The following ASPH variants were observed in gnomAD, a reference collection of about 807,000 sequenced individuals.
ASPH encodes the protein aspartyl/asparaginyl beta-hydroxylase.
Under a neutral mutation model 118.4 loss-of-function variants are expected in ASPH, and 100 were observed. That is an observed-to-expected ratio of 0.84 (90% CI 0.72 to 1.00). ASPH has a LOEUF of 1.00. ASPH is among the 50% of genes least tolerant of loss of function. ASPH has a pLI of 0.00. For missense variants in ASPH, 920 were observed against 919.5 expected, an observed-to-expected ratio of 1.00 and a Z score of -0.01; for synonymous variants, 315 against 325.6, an observed-to-expected ratio of 0.97 and a Z score of 0.35.
At chr8:61,597,194 AG>A (rs1215785536) in intron 14 of ASPH, among the ~76,000 whole-genome samples, 10 of 99,014 alleles carry the variant, frequency 1.0e-4, no homozygotes, top group Non-Finnish European at 2.2e-4. Flanking sequence ...TAATCCAGTC[AG>A]GAAAAAAAAA....
chr8:61,549,596 A>G (rs1487430671), intron 20 of ASPH, among the ~76,000 whole-genome samples: 2 of 152,230 alleles, frequency 1.3e-5, no homozygotes, highest in Non-Finnish European at 2.9e-5. Flanking sequence ...AAAACTAGAA[A>G]GTTAAAATGG....
At position 61,714,478 on chromosome 8, in the gene ASPH, C is replaced by G; in HGVS notation, c.-107G>C. 4 of 1,344,424 alleles carry G rather than the reference C, an allele frequency of 3.0e-6. No individual in the cohort carries two copies. The highest frequency in any genetic ancestry group is 3.8e-6 in the Non-Finnish European group (4 of 1,045,424). 83.3% of individuals were successfully genotyped at this position (1,344,424 alleles called of 1,614,324 possible). On this transcript the variant is annotated 5_prime_UTR_variant, in exon 1 of 25. Coordinates refer to ENST00000379454, the MANE Select transcript of ASPH (RefSeq NM_004318.4). ...CGGCGGCGGGCCGCTGGAGCGGGTT[C>G]GGGCCGCTGCTCCTGCAGCAGACCC...
intron 22 of ASPH, among the ~76,000 whole-genome samples, chr8:61,519,808 G>C (rs904722304): frequency 2.6e-5 from 4 of 152,212 alleles, no homozygotes; most frequent in Admixed American, 2.6e-4. Context: ...GGAGACTCCA[G>C]AGGGAATACA....
At chr8:61,550,442 T>TACACACACACACACACACACACACAC (rs34577657) in intron 20 of ASPH, among the ~76,000 whole-genome samples, 361 of 147,656 alleles carry the variant, frequency 2.4e-3, no homozygotes, top group Non-Finnish European at 3.7e-3. Flanking sequence ...CACATGTACA[T>TACACACACACACACACACACACACAC]ACACACACAC....
At chr8:61,632,043 A>C (rs1855851301) in intron 13 of ASPH, 1 of 152,246 alleles carries the variant, frequency 6.6e-6, no homozygotes, top group Non-Finnish European at 1.5e-5. Context: ...TCTACCTCTA[A>C]GATCAGGCTA....
At chr8:61,604,562 A>C (rs1845028446) in intron 14 of ASPH, among the ~76,000 whole-genome samples, 1 of 152,220 alleles carries the variant, frequency 6.6e-6, no homozygotes, top group Admixed American at 6.5e-5. Context: ...GCATACTGTC[A>C]CTTAGAAGGA....
intron 21 of ASPH, among the ~76,000 whole-genome samples, chr8:61,541,622 C>T (rs1822009367): frequency 6.6e-6 from 1 of 152,192 alleles, no homozygotes; most frequent in Non-Finnish European, 1.5e-5. Context: ...TTTCTGCACA[C>T]AGCAGCTCTC....
chr8:61,698,961 G>T (rs888358736), intron 1 of ASPH, among the ~76,000 whole-genome samples: 1 of 152,202 alleles, frequency 6.6e-6, no homozygotes, highest in Non-Finnish European at 1.5e-5. Context: ...TTTGCCCTTG[G>T]TTACTTCAGT....
At chr8:61,558,521 T>C (rs1782213141) in intron 18 of ASPH, among the ~76,000 whole-genome samples, 1 of 152,170 alleles carries the variant, frequency 6.6e-6, no homozygotes, top group South Asian at 2.1e-4. Flanking sequence ...ACACTTCTAC[T>C]TGTATCTGTC....
chr8:61,664,795 C>T (rs1818678538), intron 3 of ASPH: 2 of 987,086 alleles, frequency 2.0e-6, no homozygotes, highest in African/African-American at 1.8e-5. Flanking sequence ...GGGAGGTGTC[C>T]ACGAAAGAGA....
At chr8:61,530,330 G>T (rs1223476466) in intron 21 of ASPH, among the ~76,000 whole-genome samples, 1 of 152,170 alleles carries the variant, frequency 6.6e-6, no homozygotes, top group African/African-American at 2.4e-5. Flanking sequence ...GAAAGCACAG[G>T]TTTGATTCTT....
At chr8:61,646,999 T>A in intron 5 of ASPH, 121 bp from the exon 6 acceptor site, 1 of 1,255,362 alleles carries the variant, frequency 8.0e-7, no homozygotes, top group Non-Finnish European at 1.1e-6. Context: ...TTTCGGCCGC[T>A]GAAGACACCA....
At chr8:61,572,767 C>G (rs1054557706) in intron 16 of ASPH, among the ~76,000 whole-genome samples, 1 of 152,130 alleles carries the variant, frequency 6.6e-6, no homozygotes, top group African/African-American at 2.4e-5. Flanking sequence ...CACTCAGTAA[C>G]CAAAGCAAAC....
At chr8:61,569,270 G>A (rs908540677) in intron 16 of ASPH, among the ~76,000 whole-genome samples, 1 of 152,198 alleles carries the variant, frequency 6.6e-6, no homozygotes, top group African/African-American at 2.4e-5. Flanking sequence ...TGTGTAAAAT[G>A]TCATCAATAT....
At chr8:61,672,298 C>T (rs1287695789) in intron 3 of ASPH, among the ~76,000 whole-genome samples, 4 of 151,416 alleles carry the variant, frequency 2.6e-5, no homozygotes, top group Admixed American at 2.6e-4. Flanking sequence ...AAGTGGGGAA[C>T]GGAGGATCAG....
intron 3 of ASPH, chr8:61,668,128 A>T: frequency 8.8e-7 from 1 of 1,132,826 alleles, no homozygotes; most frequent in Admixed American, 2.5e-5. Context: ...ACCCAAAAGC[A>T]ATAGTGTTTA....
At chr8:61,676,010 A>G (rs1825133425) in intron 3 of ASPH, 1 of 1,580,404 alleles carries the variant, frequency 6.3e-7, no homozygotes, top group African/African-American at 1.4e-5. Flanking sequence ...AAGCCAAGGA[A>G]AGAAAAGAAA....
At chr8:61,683,885 C>T in intron 2 of ASPH, 154 bp downstream of exon 2, 1 of 873,552 alleles carries the variant, frequency 1.1e-6, no homozygotes, top group Non-Finnish European at 1.7e-6. Flanking sequence ...CCAAGGTAAC[C>T]TTCTTCATAT....
At chr8:61,640,295 C>T (rs1423268109) in intron 10 of ASPH, among the ~76,000 whole-genome samples, 1 of 152,210 alleles carries the variant, frequency 6.6e-6, no homozygotes, top group East Asian at 1.9e-4. Context: ...TCTCTCCAGT[C>T]TGTTTGTTGC....
Sources: allele counts gnomAD v4.1 joint callset (sites outside exome capture counted in the v4.1 genomes callset), GRCh38; gene constraint gnomAD v4.1.1; transcripts MANE v1.5; gene names NCBI Gene and HGNC (gene_info 2026-07-23, HGNC 2026-07-21).